Variants in RYR3 observed in about 807,000 individuals in gnomAD.
The protein encoded by RYR3 is ryanodine receptor 3.
RYR3 carries 207 observed loss-of-function variants against 584.3 expected under a neutral mutation model. The observed-to-expected ratio is 0.35, with a 90% CI of 0.32 to 0.40. RYR3 has a LOEUF of 0.40. Among genes scored for constraint, RYR3 ranks in the 10% least tolerant of loss-of-function variants. The pLI is 1.00. For synonymous variants in RYR3, 2,416 were observed against 2,248.5 expected, an observed-to-expected ratio of 1.07 and a Z score of -2.11; for missense variants, 5,616 against 6,089.2, an observed-to-expected ratio of 0.92 and a Z score of 2.59.
rs58680244 is a variant in RYR3, at chr15:33,370,876, G to A, written c.51+59780G>A. 7.0e-3 allele frequency among the ~76,000 whole-genome samples: 1,062 copies of A among 152,218 alleles called. 15 individuals are homozygous for A. Among genetic ancestry groups the A allele is most frequent in the African/African-American group, 0.023 (972 of 41,530 alleles). ...AGTAGCATTTAGAGATGGGTGCTTC[G>A]CCATACTGTCTACTGCCTACCTCCT... is the stretch of plus-strand genomic sequence containing the variant. On this transcript the variant is annotated intron_variant, in intron 1 of 103. Transcript: ENST00000634891.
At chr15:33,594,319 A>T (rs1450120335) in intron 16 of RYR3, among the ~76,000 whole-genome samples, 1 of 152,158 alleles carries the variant, frequency 6.6e-6, no homozygotes, top group Non-Finnish European at 1.5e-5. Flanking sequence ...TATGCAAATA[A>T]CTCTATTGCC....
chr15:33,713,343 G>A (rs996719341), intron 43 of RYR3, among the ~76,000 whole-genome samples: 1 of 151,950 alleles, frequency 6.6e-6, no homozygotes, highest in African/African-American at 2.4e-5. Flanking sequence ...TTGGTCAGTG[G>A]TTATAGTGAG....
intron 1 of RYR3, among the ~76,000 whole-genome samples, chr15:33,459,992 A>G (rs186311417): frequency 3.9e-5 from 6 of 152,338 alleles, no homozygotes; most frequent in Admixed American, 2.6e-4. Context: ...ACTGTATCTC[A>G]TATGCTTCTA....
intron 77 of RYR3, 167 bp from the exon 78 acceptor site, chr15:33,820,589 G>C: frequency 1.7e-6 from 1 of 585,088 alleles, no homozygotes; most frequent in Non-Finnish European, 3.0e-6. Context: ...ATTTACAGGA[G>C]AAATGTTGCC....
intron 38 of RYR3, among the ~76,000 whole-genome samples, chr15:33,692,578 CG>C (rs2065512706): frequency 6.6e-6 from 1 of 151,158 alleles, no homozygotes; most frequent in South Asian, 2.1e-4. Flanking sequence ...AGCAACACAG[CG>C]GTAAGTCTTG....
At chr15:33,830,562 G>A (rs547563094) in intron 85 of RYR3, among the ~76,000 whole-genome samples, 4 of 152,118 alleles carry the variant, frequency 2.6e-5, no homozygotes, top group Admixed American at 6.5e-5. Context: ...AATCAAACTC[G>A]GATTATCTCT....
At chr15:33,859,894 T>C (rs942627726) in intron 100 of RYR3, among the ~76,000 whole-genome samples, 163 bp downstream of exon 100, 4 of 152,218 alleles carry the variant, frequency 2.6e-5, no homozygotes, top group African/African-American at 7.2e-5. Context: ...GCTTTGGCTA[T>C]ATATAAAGCC....
rs377292446 is a variant in RYR3 at position 33,748,201 on chromosome 15, G to C, written c.8077G>C (p.Glu2693Gln). The C allele has an allele frequency of 7.3e-5, 117 of 1,613,748 alleles. No homozygotes were observed. Among genetic ancestry groups the C allele is most frequent in the Non-Finnish European group, 9.5e-5 (112 of 1,179,772 alleles). Residue 2693 changes from glutamate to glutamine, a missense_variant, in exon 54 of 104, where the codon GAA becomes CAA. Around this residue, in one of 9 missense-constraint regions of RYR3, gnomAD observed 1,280 missense variants for 1,426.2 expected, o/e 0.90. Coordinates refer to ENST00000634891, the MANE Select transcript of RYR3 (RefSeq NM_001036.6). ...GACTGTGGAGAGGACCAAAGAGGGAGAAGCTTTGGTTCAACAGCGGGAAAA... is the reference window on the plus strand; with the variant it reads ...GACTGTGGAGAGGACCAAAGAGGGACAAGCTTTGGTTCAACAGCGGGAAAA... ...GWTVERTKEG[E>Q]ALVQQRENEK...
At chr15:33,490,024 T>A (rs2050836560) in intron 2 of RYR3, among the ~76,000 whole-genome samples, 1 of 152,228 alleles carries the variant, frequency 6.6e-6, no homozygotes, top group Non-Finnish European at 1.5e-5. Flanking sequence ...AAAACTTTTT[T>A]ATTCTTAACT....
intron 1 of RYR3, among the ~76,000 whole-genome samples, chr15:33,463,034 C>T (rs1212365880): frequency 2.6e-5 from 4 of 151,872 alleles, no homozygotes; most frequent in Non-Finnish European, 2.9e-5. Flanking sequence ...TAGCCAGGCG[C>T]ACCTTGCCTG....
chr15:33,861,718 G>C (rs990539044), intron 102 of RYR3, among the ~76,000 whole-genome samples: 2 of 152,106 alleles, frequency 1.3e-5, no homozygotes, highest in Non-Finnish European at 2.9e-5. Context: ...TAAATTCTGT[G>C]TTCAGTTTTC....
At chr15:33,561,236 T>A (rs1202496299) in intron 10 of RYR3, among the ~76,000 whole-genome samples, 1 of 152,228 alleles carries the variant, frequency 6.6e-6, no homozygotes, top group Non-Finnish European at 1.5e-5. Flanking sequence ...AAAGAAAATG[T>A]CGTATAGACA....
At position 33,414,731 on chromosome 15, in the gene RYR3, AG is replaced by A. The variant is rs2043665659; in HGVS notation, c.52-58687del. On this transcript the variant is annotated intron_variant, in intron 1 of 103. Transcript: ENST00000634891. ...GCCATTCCCGCGCCTCAGCCTCCCA[AG>A]TAGCTGGGACTATAGGCACCCGCTA... Among the ~76,000 whole-genome samples the A allele has an allele frequency of 1.3e-5, 2 of 152,054 alleles. 1 individual carries two copies. Among genetic ancestry groups the A allele is most frequent in the South Asian group, 4.2e-4 (2 of 4,806 alleles).
chr15:33,460,063 A>T (rs750222683), intron 1 of RYR3, among the ~76,000 whole-genome samples: 2 of 152,222 alleles, frequency 1.3e-5, no homozygotes, highest in Non-Finnish European at 2.9e-5. Flanking sequence ...CTTTTACTGC[A>T]GTACAGGTGC....
rs931052375 is a variant in RYR3 at position 33,709,098 on chromosome 15, TATTA to T, written c.6619+2048_6619+2051del. Among the ~76,000 whole-genome samples, 30 of 152,318 alleles carry T rather than the reference TATTA, an allele frequency of 2.0e-4. No individual in the cohort carries two copies. In the East Asian group the frequency reaches 4.8e-3, roughly 24 times the overall value. On this transcript the variant is annotated intron_variant, in intron 43 of 103. Coordinates refer to ENST00000634891, the MANE Select transcript of RYR3 (RefSeq NM_001036.6). ...AGGCAAAGAATTGAACATAATGACA[TATTA>T]ATTCTTTGAAAAGAAATTTAGAGCT...
intron 1 of RYR3, among the ~76,000 whole-genome samples, chr15:33,434,677 A>C (rs931626689): frequency 3.9e-5 from 6 of 152,152 alleles, no homozygotes; most frequent in African/African-American, 1.4e-4. Context: ...TATTACCGAT[A>C]ACTGTGTGCC....
At chr15:33,428,666 A>C (rs1413357249) in intron 1 of RYR3, among the ~76,000 whole-genome samples, 1 of 152,196 alleles carries the variant, frequency 6.6e-6, no homozygotes, top group Non-Finnish European at 1.5e-5. Context: ...TTTCAATCTA[A>C]GATTACTTGA....
Position 33,603,157 on chromosome 15 carries a change from G to T in RYR3, c.1957G>T (p.Gly653Cys). Residue 653 changes from glycine to cysteine, a missense_variant, in exon 18 of 104, where the codon GGC becomes TGC. Gly to Cys is a radical substitution (Grantham distance 159, BLOSUM62 -3). Around this residue, in one of 9 missense-constraint regions of RYR3, gnomAD observed 1,284 missense variants for 1,344.6 expected, o/e 0.95. Transcript: ENST00000634891. Reference protein sequence around the residue: ...RPNIFLGVAEGSAQYKKWYFE... With the variant: ...RPNIFLGVAECSAQYKKWYFE... ...AAACATCTTCCTGGGAGTCGCGGAG[G>T]GCTCAGCCCAGTACAAGAAGTGGTA... The T allele has an allele frequency of 6.2e-7, 1 of 1,613,874 alleles. No individual in the cohort carries two copies. The highest frequency in any genetic ancestry group is 8.5e-7 in the Non-Finnish European group (1 of 1,179,840).
rs1050096286 is a variant in RYR3, at chr15:33,436,694, C to T, written c.52-36725C>T. Among the ~76,000 whole-genome samples, 6 of 151,650 alleles carry T rather than the reference C, an allele frequency of 4.0e-5. No individual in the cohort carries two copies. The East Asian group carries it at 5.8e-4, about 15-fold the overall frequency. On this transcript the variant is annotated intron_variant, in intron 1 of 103. Coordinates refer to ENST00000634891, the MANE Select transcript of RYR3 (RefSeq NM_001036.6). ...TTTTTTTTTGTATTTTTAGTAGAGA[C>T]GAGGTTTCACCATCTTGGCCAGGCT... is the stretch of plus-strand genomic sequence containing the variant.
Sources: allele counts gnomAD v4.1 joint callset (sites outside exome capture counted in the v4.1 genomes callset), GRCh38; gene constraint gnomAD v4.1.1; regional missense constraint gnomAD v4.1.1; transcripts MANE v1.5; gene names NCBI Gene and HGNC (gene_info 2026-07-23, HGNC 2026-07-21).